SLIT3: variants seen among roughly 807,000 people sequenced by gnomAD.
SLIT3 encodes slit guidance ligand 3.
Under a neutral mutation model 184.0 loss-of-function variants are expected in SLIT3, and 68 were observed. The observed-to-expected ratio is 0.37, with a 90% CI of 0.30 to 0.45. The LOEUF (loss-of-function observed/expected upper bound fraction) is 0.45, where lower values mean the gene tolerates loss of function less well. Among genes scored for constraint, SLIT3 ranks in the 20% least tolerant of loss-of-function variants. The pLI is 1.00. For synonymous variants in SLIT3, 831 were observed against 828.6 expected (o/e 1.00, Z -0.05); for missense variants, 1,707 against 2,026.0 (o/e 0.84, Z 3.02).
At chr5:168,878,507 T>A (rs1247926705) in intron 5 of SLIT3, among the ~76,000 whole-genome samples, 2 of 152,130 alleles carry the variant, frequency 1.3e-5, no homozygotes, top group Admixed American at 1.3e-4. Context: ...ACTTTATTGT[T>A]CCTGTTTGCA....
intron 1 of SLIT3, among the ~76,000 whole-genome samples, chr5:169,256,232 A>T (rs1379006644): frequency 6.6e-6 from 1 of 152,168 alleles, no homozygotes; most frequent in Non-Finnish European, 1.5e-5. Context: ...GGATTGCTTG[A>T]GCAATCCAGG....
intron 3 of SLIT3, among the ~76,000 whole-genome samples, chr5:169,235,932 A>G (rs1194025370): frequency 2.6e-5 from 4 of 152,146 alleles, no homozygotes; most frequent in Admixed American, 1.3e-4. Flanking sequence ...ATATTTCTCC[A>G]TTGTAAAGCT....
At chr5:168,977,381 T>C (rs1228691659) in intron 4 of SLIT3, among the ~76,000 whole-genome samples, 10 of 152,244 alleles carry the variant, frequency 6.6e-5, no homozygotes, top group Admixed American at 6.5e-4. Context: ...GCTGGCCTTA[T>C]GGCTAACCTA....
intron 6 of SLIT3, among the ~76,000 whole-genome samples, chr5:168,823,999 A>G (rs898817178): frequency 6.6e-6 from 1 of 152,194 alleles, no homozygotes; most frequent in Admixed American, 6.5e-5. Context: ...CCCAGGCTGG[A>G]GTGCAGTGGC....
intron 4 of SLIT3, among the ~76,000 whole-genome samples, chr5:168,889,711 A>G (rs545103079): frequency 1.3e-5 from 2 of 152,344 alleles, no homozygotes; most frequent in South Asian, 4.1e-4. Context: ...TATGTGTTCC[A>G]CTATGGTTGA....
At chr5:169,194,175 C>T (rs899719259) in intron 3 of SLIT3, among the ~76,000 whole-genome samples, 3 of 125,366 alleles carry the variant, frequency 2.4e-5, no homozygotes, top group Middle Eastern at 0.013. Flanking sequence ...GCAGAGGTTG[C>T]AGTGAGCTGA....
intron 5 of SLIT3, among the ~76,000 whole-genome samples, chr5:168,877,165 GAAAT>G (rs1487647233): frequency 6.6e-6 from 1 of 152,164 alleles, no homozygotes; most frequent in Non-Finnish European, 1.5e-5. Context: ...CCAGTAACAA[GAAAT>G]AAATGAGATA....
chr5:169,015,847 T>C (rs897045234), intron 4 of SLIT3, among the ~76,000 whole-genome samples: 5 of 151,586 alleles, frequency 3.3e-5, no homozygotes, highest in Admixed American at 6.6e-5. Flanking sequence ...GGTGGGAGGA[T>C]TGTTTGAGGC....
In SLIT3 at chr5:168,671,430, G is replaced by A; in HGVS notation, c.3895C>T (p.Leu1299=). The A allele has an allele frequency of 6.2e-7, 1 of 1,613,736 alleles. No individual in the cohort carries two copies. The highest frequency in any genetic ancestry group is 1.7e-4 in the Middle Eastern group (1 of 6,058). Residue 1299 remains leucine (L), a synonymous_variant, in exon 34 of 36, where the codon CTA becomes TTA. Transcript: ENST00000519560. ...TGGATGCATCCGTGGAAGCCGCCTA[G>A]AGGCCGGTCCGTGCCCTGGCGCAAG... ...SALRQGTDRP[L]GGFHGCIHEV...
intron 20 of SLIT3, among the ~76,000 whole-genome samples, chr5:168,740,962 T>C (rs10078281): frequency 0.027 from 4,109 of 152,232 alleles, 173 homozygotes; most frequent in African/African-American, 0.092. Context: ...CCCCGTCCCA[T>C]GGCACAGCCC....
At chr5:168,874,547 T>C (rs55934881) in intron 5 of SLIT3, among the ~76,000 whole-genome samples, 20,087 of 152,198 alleles carry the variant, frequency 0.13, 1,515 homozygotes, top group Non-Finnish European at 0.17. Flanking sequence ...AGTAGACAGT[T>C]ATAACGCAGG....
intron 29 of SLIT3, among the ~76,000 whole-genome samples, chr5:168,688,193 C>A (rs1172311172): frequency 1.3e-5 from 2 of 152,238 alleles, no homozygotes; most frequent in African/African-American, 4.8e-5. Flanking sequence ...GGCGCTTCTG[C>A]CTTCTGCAAA....
At chr5:168,673,099 T>G in intron 33 of SLIT3, 78 bp downstream of exon 33, 2 of 1,437,826 alleles carry the variant, frequency 1.4e-6, no homozygotes, top group Non-Finnish European at 9.6e-7. Context: ...CTGATTGGCT[T>G]TGGCAGTGGC....
intron 3 of SLIT3, among the ~76,000 whole-genome samples, chr5:169,214,247 G>A (rs2113517926): frequency 6.6e-6 from 1 of 152,324 alleles, no homozygotes; most frequent in East Asian, 1.9e-4. Context: ...CCGCTTCATG[G>A]AGAGCCCATC....
At chr5:169,107,409 G>A (rs1011192251) in intron 4 of SLIT3, among the ~76,000 whole-genome samples, 15 of 152,232 alleles carry the variant, frequency 9.9e-5, no homozygotes, top group African/African-American at 3.6e-4. Flanking sequence ...GCTAAGAGCT[G>A]TATATCACTG....
chr5:168,825,789 C>CTT (rs957141587), intron 6 of SLIT3, among the ~76,000 whole-genome samples: 1 of 152,242 alleles, frequency 6.6e-6, no homozygotes, highest in African/African-American at 2.4e-5. Flanking sequence ...GGCACTCTGC[C>CTT]TTGGCAGGGA....
intron 3 of SLIT3, among the ~76,000 whole-genome samples, chr5:169,223,677 T>C (rs925913391): frequency 3.3e-5 from 5 of 152,212 alleles, no homozygotes; most frequent in African/African-American, 1.2e-4. Flanking sequence ...TTGAGCTTTT[T>C]AGGAGAGACC....
At chr5:168,962,145 G>C (rs879683384) in intron 4 of SLIT3, among the ~76,000 whole-genome samples, 11 of 152,096 alleles carry the variant, frequency 7.2e-5, no homozygotes, top group Non-Finnish European at 1.5e-4. Flanking sequence ...CCATGGGTGG[G>C]GGTGGGAGTG....
chr5:168,770,878 T>C (rs1285107124), intron 14 of SLIT3, among the ~76,000 whole-genome samples: 1 of 152,078 alleles, frequency 6.6e-6, no homozygotes, highest in Non-Finnish European at 1.5e-5. Flanking sequence ...CTTAGTTCTT[T>C]CTATAGCCCC....
Sources: gnomAD v4.1 joint callset for allele counts (sites outside exome capture counted in the v4.1 genomes callset) on GRCh38, gnomAD v4.1.1 for gene constraint, MANE v1.5 for transcripts, NCBI Gene and HGNC (gene_info 2026-07-23, HGNC 2026-07-21) for gene names.